STAC: variants seen among roughly 807,000 people sequenced by gnomAD.
STAC encodes SH3 and cysteine rich domain.
A neutral mutation model predicts 48.8 loss-of-function variants in STAC; 43 were observed. The observed-to-expected ratio is 0.88, with a 90% CI of 0.69 to 1.14. The LOEUF is 1.14. STAC is among the 50% of genes most tolerant of loss of function. STAC has a pLI of 0.00. For missense variants in STAC, 497 were observed against 504.0 expected (o/e 0.99, Z 0.13); for synonymous variants, 193 against 179.5 (o/e 1.07, Z -0.60).
intron 5 of STAC, among the ~76,000 whole-genome samples, chr3:36,487,090 G>A (rs775652416): frequency 3.3e-5 from 5 of 152,250 alleles, no homozygotes; most frequent in Non-Finnish European, 5.9e-5. Context: ...AACATCAAGT[G>A]ACTAGGTGGA....
chr3:36,405,385 T>G (rs1464923059), intron 1 of STAC, among the ~76,000 whole-genome samples: 3 of 152,204 alleles, frequency 2.0e-5, no homozygotes, highest in African/African-American at 7.2e-5. Flanking sequence ...CTTCTCTGTC[T>G]GATGAGTCAC....
chr3:36,389,853 G>C (rs1699711509), intron 1 of STAC, among the ~76,000 whole-genome samples: 1 of 152,128 alleles, frequency 6.6e-6, no homozygotes, highest in Admixed American at 6.5e-5. Context: ...TGCCATTCAA[G>C]TTAATTAGTG....
chr3:36,442,976 C>T (rs55969645), intron 1 of STAC, among the ~76,000 whole-genome samples: 2,273 of 152,278 alleles, frequency 0.015, 29 homozygotes, highest in African/African-American at 0.022. Flanking sequence ...CAGCTTTACA[C>T]ATGTAGCCTT....
intron 2 of STAC, among the ~76,000 whole-genome samples, chr3:36,444,756 T>C (rs1696460578): frequency 6.6e-6 from 1 of 152,166 alleles, no homozygotes; most frequent in African/African-American, 2.4e-5. Context: ...TAATCTACCA[T>C]TTAGGATGCT....
At chr3:36,418,074 C>T (rs931145048) in intron 1 of STAC, among the ~76,000 whole-genome samples, 2 of 152,004 alleles carry the variant, frequency 1.3e-5, no homozygotes, top group Non-Finnish European at 2.9e-5. Flanking sequence ...ATTGATTAGA[C>T]TAAGTAAATT....
At chr3:36,426,087 A>G (rs1382977710) in intron 1 of STAC, among the ~76,000 whole-genome samples, 4 of 152,184 alleles carry the variant, frequency 2.6e-5, no homozygotes, top group African/African-American at 7.2e-5. Flanking sequence ...ATTTCAGATA[A>G]TGTATTACTG....
At chr3:36,428,319 G>A (rs1289934675) in intron 1 of STAC, among the ~76,000 whole-genome samples, 1 of 152,174 alleles carries the variant, frequency 6.6e-6, no homozygotes, top group African/African-American at 2.4e-5. Context: ...GATGCTTGCA[G>A]TTTATTCCCA....
At chr3:36,542,523 G>A (rs1271405287) in intron 10 of STAC, among the ~76,000 whole-genome samples, 1 of 152,038 alleles carries the variant, frequency 6.6e-6, no homozygotes, top group African/African-American at 2.4e-5. Context: ...AGTCTCTTGA[G>A]GCTGGAATTT....
At chr3:36,412,265 A>C (rs1362261265) in intron 1 of STAC, among the ~76,000 whole-genome samples, 1 of 152,142 alleles carries the variant, frequency 6.6e-6, no homozygotes, top group African/African-American at 2.4e-5. Context: ...TGTTCTGGAC[A>C]AGAAGGAAAG....
intron 1 of STAC, among the ~76,000 whole-genome samples, chr3:36,427,356 C>T (rs997507352): frequency 1.3e-5 from 2 of 152,162 alleles, no homozygotes; most frequent in African/African-American, 4.8e-5. Context: ...CCAGGATTGC[C>T]ACAGGCCCCT....
Position 36,469,595 on chromosome 3 carries a change from T to A in STAC, c.389-13397T>A, listed in dbSNP as rs537729195. Among the ~76,000 whole-genome samples the A allele has an allele frequency of 2.0e-4, 30 of 152,326 alleles. 1 individual carries two copies. Among genetic ancestry groups the A allele is most frequent in the African/African-American group, 7.0e-4 (29 of 41,582 alleles). ...TGTGATGAATTTCCCAGGTGTTCTT[T>A]GAGCTTCTTGTATTCAGATGTCTAG... On this transcript the variant is annotated intron_variant, in intron 2 of 10. Transcript: ENST00000273183.
At chr3:36,435,058 A>G (rs1338166934) in intron 1 of STAC, among the ~76,000 whole-genome samples, 1 of 152,212 alleles carries the variant, frequency 6.6e-6, no homozygotes, top group African/African-American at 2.4e-5. Flanking sequence ...CTTGCTAGCC[A>G]TTTAACTTTG....
intron 1 of STAC, among the ~76,000 whole-genome samples, chr3:36,400,565 T>C (rs1276013274): frequency 4.6e-5 from 7 of 152,214 alleles, no homozygotes; most frequent in Non-Finnish European, 7.3e-5. Context: ...AAGAATGTTA[T>C]AGAGCAGTTG....
At chr3:36,436,432 T>C (rs1700835198) in intron 1 of STAC, among the ~76,000 whole-genome samples, 1 of 152,086 alleles carries the variant, frequency 6.6e-6, no homozygotes, top group Admixed American at 6.5e-5. Flanking sequence ...ACCTACAAGG[T>C]CCAGCAAGAA....
chr3:36,448,913 A>C (rs1374385204), intron 2 of STAC, among the ~76,000 whole-genome samples: 1 of 88,306 alleles, frequency 1.1e-5, no homozygotes, highest in Admixed American at 1.3e-4. Context: ...CCCCCCCCCC[A>C]CTCCCGACCC....
At chr3:36,451,685 A>G (rs1206371100) in intron 2 of STAC, among the ~76,000 whole-genome samples, 1 of 152,230 alleles carries the variant, frequency 6.6e-6, no homozygotes, top group East Asian at 1.9e-4. Flanking sequence ...ACATGCATAC[A>G]GTGTTTAATG....
intron 1 of STAC, among the ~76,000 whole-genome samples, chr3:36,408,620 C>T (rs1264627687): frequency 6.7e-6 from 1 of 150,158 alleles, no homozygotes; most frequent in African/African-American, 2.4e-5. Context: ...GTTTTCTAGA[C>T]TGATTAGAAC....
At chr3:36,441,721 C>G (rs1270009051) in intron 1 of STAC, among the ~76,000 whole-genome samples, 1 of 152,162 alleles carries the variant, frequency 6.6e-6, no homozygotes, top group African/African-American at 2.4e-5. Flanking sequence ...AACAAAATGT[C>G]TATGAGTTCC....
At chr3:36,441,497 G>T (rs1379430378) in intron 1 of STAC, among the ~76,000 whole-genome samples, 6 of 152,062 alleles carry the variant, frequency 3.9e-5, no homozygotes, top group African/African-American at 1.4e-4. Context: ...TCATTGTGTT[G>T]TTGGACCCAT....
Sources: allele counts gnomAD v4.1 joint callset (sites outside exome capture counted in the v4.1 genomes callset), GRCh38; gene constraint gnomAD v4.1.1; transcripts MANE v1.5; gene names NCBI Gene and HGNC (gene_info 2026-07-23, HGNC 2026-07-21).